Variants in SEL1L2 observed in about 807,000 individuals in gnomAD.
The protein encoded by SEL1L2 is protein sel-1 homolog 2.
Under a neutral mutation model 98.8 loss-of-function variants are expected in SEL1L2, and 89 were observed. The ratio of observed to expected loss-of-function variants is 0.90; its 90% confidence interval spans 0.76 to 1.07. The LOEUF is 1.07. Ranked by LOEUF, SEL1L2 falls within the 50% of genes least tolerant of loss-of-function variation. The pLI is 0.00. For synonymous variants in SEL1L2, 262 were observed against 278.5 expected (o/e 0.94, Z 0.59); for missense variants, 788 against 812.0 (o/e 0.97, Z 0.36).
At chr20:13,963,478 A>T (rs1388604551) in intron 1 of SEL1L2, among the ~76,000 whole-genome samples, 1 of 147,650 alleles carries the variant, frequency 6.8e-6, no homozygotes, top group African/African-American at 2.5e-5. Flanking sequence ...GCACTTTGGG[A>T]GGCCGAGGTG....
chr20:13,931,357 G>T (rs2049136912), intron 3 of SEL1L2, among the ~76,000 whole-genome samples: 1 of 152,092 alleles, frequency 6.6e-6, no homozygotes, highest in Non-Finnish European at 1.5e-5. Context: ...AGCCCAGGGT[G>T]TGGAGGTTGC....
At chr20:13,965,161 TAAG>T (rs1488037149) in intron 1 of SEL1L2, among the ~76,000 whole-genome samples, 2 of 151,942 alleles carry the variant, frequency 1.3e-5, no homozygotes, top group African/African-American at 4.8e-5. Flanking sequence ...GGCTGCCACT[TAAG>T]AAGTAAAGCC....
chr20:13,993,036 G>A (rs2148599152), upstream of SEL1L2, among the ~76,000 whole-genome samples: 1 of 152,272 alleles, frequency 6.6e-6, no homozygotes, highest in African/African-American at 2.4e-5. Flanking sequence ...AAGACCACCA[G>A]AAAGTCATTG....
rs750902174 is a variant in SEL1L2 at position 13,919,105 on chromosome 20, T to C, written c.302A>G (p.Lys101Arg). ...NKNHLQKQAE[K>R]NFTDEGDQLF... is the part of the protein sequence containing the mutation. ...CTGGTCTCCTTCATCTGTAAAATTT[T>C]TCTCTGCTTGCTTTTGTACTATACA... Residue 101 changes from lysine (K) to arginine (R), a missense_variant, in exon 4 of 20, where the codon AAA becomes AGA. Lys to Arg is a conservative substitution (Grantham distance 26, BLOSUM62 2). Transcript: ENST00000284951. 1 of 1,611,756 alleles carries C rather than the reference T, an allele frequency of 6.2e-7. No homozygotes were observed. The highest frequency in any genetic ancestry group is 8.5e-7 in the Non-Finnish European group (1 of 1,178,182).
chr20:13,854,990 G>T (rs1988907886), intron 18 of SEL1L2, among the ~76,000 whole-genome samples: 1 of 144,672 alleles, frequency 6.9e-6, no homozygotes, highest in Non-Finnish European at 1.5e-5. Flanking sequence ...GGCAGAGGTT[G>T]CAGTGACCGA....
intron 5 of SEL1L2, among the ~76,000 whole-genome samples, chr20:13,895,375 G>T (rs2047376244): frequency 6.6e-6 from 1 of 151,412 alleles, no homozygotes; most frequent in Admixed American, 6.6e-5. Flanking sequence ...CCCAGGAGGT[G>T]GAGGTTGCAG....
At chr20:13,869,429 G>T in intron 14 of SEL1L2, 74 bp downstream of exon 14, 3 of 1,130,116 alleles carry the variant, frequency 2.7e-6, no homozygotes, top group Non-Finnish European at 4.0e-6. Flanking sequence ...AACCTTTGAT[G>T]TTTGTTATAA....
At chr20:13,860,022 A>G (rs1989845221) in intron 17 of SEL1L2, among the ~76,000 whole-genome samples, 1 of 152,188 alleles carries the variant, frequency 6.6e-6, no homozygotes, top group Non-Finnish European at 1.5e-5. Flanking sequence ...TTAAAGAACA[A>G]AAACTTACCA....
At chr20:13,850,585 G>C (rs1429933206) in intron 18 of SEL1L2, among the ~76,000 whole-genome samples, 1 of 152,162 alleles carries the variant, frequency 6.6e-6, no homozygotes, top group African/African-American at 2.4e-5. Flanking sequence ...GTTGGAAGGG[G>C]CCACATGGAA....
chr20:13,895,284 A>C (rs2047372651), intron 5 of SEL1L2, among the ~76,000 whole-genome samples: 2 of 152,076 alleles, frequency 1.3e-5, no homozygotes, highest in South Asian at 4.1e-4. Context: ...CTCTATAAAA[A>C]ATATGAAAAT....
At chr20:13,957,801 C>T (rs185062190) in intron 1 of SEL1L2, among the ~76,000 whole-genome samples, 68 of 152,108 alleles carry the variant, frequency 4.5e-4, no homozygotes, top group Middle Eastern at 3.4e-3. Flanking sequence ...TCATTGAGCC[C>T]GGGAAATCAA....
chr20:13,980,276 C>T (rs574484372), intron 1 of SEL1L2, among the ~76,000 whole-genome samples: 106 of 152,290 alleles, frequency 7.0e-4, no homozygotes, highest in African/African-American at 2.2e-3. Context: ...AGTGCAGTGG[C>T]GTGATCTCAG....
At chr20:13,953,852 ACAAAAATGGTCCCT>A (rs1249952764) in intron 2 of SEL1L2, among the ~76,000 whole-genome samples, 1 of 152,120 alleles carries the variant, frequency 6.6e-6, no homozygotes. Flanking sequence ...AAGTCCTACA[ACAAAAATGGTCCCT>A]CAGCCATATA....
intron 12 of SEL1L2, among the ~76,000 whole-genome samples, chr20:13,873,924 A>G (rs1202049841): frequency 2.6e-5 from 4 of 152,180 alleles, no homozygotes; most frequent in Admixed American, 6.5e-5. Context: ...AGCCACAGGT[A>G]GGAAGCAGTT....
Position 13,886,291 on chromosome 20 carries a change from T to C in SEL1L2, c.897A>G (p.Ile299Met). 1 of 1,605,370 alleles carries C rather than the reference T, an allele frequency of 6.2e-7. No individual in the cohort carries two copies. The highest frequency in any genetic ancestry group is 8.5e-7 in the Non-Finnish European group (1 of 1,174,266). The change falls in exon 9 of 20, where the codon ATA becomes ATG. Residue 299 changes from isoleucine (I) to methionine (M), a missense_variant. Coordinates refer to ENST00000284951, the MANE Select transcript of SEL1L2 (RefSeq NM_025229.2). ...CAATCTCATCTGTATACATTACTTG[T>C]ATCTGAACATCTCCTCTTTCTGCCA... The part of the protein sequence containing the change: ...KFLAERGDVQ[I>M]QVSLGQLHLI...
intron 2 of SEL1L2, among the ~76,000 whole-genome samples, chr20:13,948,304 A>G (rs2050111136): frequency 6.6e-6 from 1 of 152,160 alleles, no homozygotes; most frequent in Non-Finnish European, 1.5e-5. Context: ...CTGAATATCC[A>G]AAACAATCTT....
At chr20:13,985,599 A>G (rs2052128301) in intron 1 of SEL1L2, among the ~76,000 whole-genome samples, 1 of 152,106 alleles carries the variant, frequency 6.6e-6, no homozygotes. Flanking sequence ...CCTCTTCGAG[A>G]CTCTAAGCTG....
chr20:13,904,556 T>TATAA (rs889750245), intron 5 of SEL1L2, among the ~76,000 whole-genome samples: 2 of 151,794 alleles, frequency 1.3e-5, no homozygotes, highest in Non-Finnish European at 2.9e-5. Flanking sequence ...AATATATATA[T>TATAA]ATAAATAAAT....
At chr20:13,872,209 TG>T (rs1166540555) in intron 12 of SEL1L2, among the ~76,000 whole-genome samples, 4 of 152,224 alleles carry the variant, frequency 2.6e-5, no homozygotes, top group Non-Finnish European at 5.9e-5. Context: ...GTGATGGATG[TG>T]GCAAAGTCTA....
Sources: allele counts gnomAD v4.1 joint callset (sites outside exome capture counted in the v4.1 genomes callset), GRCh38; gene constraint gnomAD v4.1.1; transcripts MANE v1.5; gene names NCBI Gene and HGNC (gene_info 2026-07-23, HGNC 2026-07-21).